Variants in MCTP2 observed in about 807,000 individuals in gnomAD.
The protein encoded by MCTP2 is multiple C2 and transmembrane domain containing 2.
MCTP2 carries 132 observed loss-of-function variants against 111.6 expected under a neutral mutation model. The ratio of observed to expected loss-of-function variants is 1.18; its 90% confidence interval spans 1.03 to 1.37. MCTP2 has a LOEUF of 1.37. MCTP2 is among the 40% of genes most tolerant of loss of function. The pLI is 0.00. For synonymous variants in MCTP2, 395 were observed against 387.7 expected (o/e 1.02, Z -0.22); for missense variants, 1,183 against 1,067.9 (o/e 1.11, Z -1.50).
chr15:94,345,482 C>T lies in MCTP2; in HGVS notation c.1005+318C>T, dbSNP rs1459535335. Among the ~76,000 whole-genome samples the T allele has an allele frequency of 2.0e-5, 3 of 152,056 alleles. No individual in the cohort carries two copies. In the East Asian group the frequency reaches 5.8e-4, roughly 29 times the overall value. ...TTTAGTCCCTTTAGGAAGTTATTTG[C>T]CATGAGATGGAAACTAGCATTGGTG... On this transcript the variant is annotated intron_variant, in intron 8 of 22. Transcript: ENST00000357742.
intron 1 of MCTP2, chr15:94,273,576 GA>G: frequency 4.9e-6 from 1 of 202,232 alleles, no homozygotes; most frequent in Non-Finnish European, 1.1e-5. Flanking sequence ...AGGTATGCAG[GA>G]AGGTCATGTC....
intron 10 of MCTP2, among the ~76,000 whole-genome samples, chr15:94,362,073 G>T (rs997909146): frequency 2.6e-5 from 4 of 152,160 alleles, no homozygotes; most frequent in Admixed American, 2.0e-4. Context: ...TTGGTGAGAT[G>T]AAGGTGCTTG....
chr15:94,423,610 C>G (rs188912274), intron 17 of MCTP2, among the ~76,000 whole-genome samples: 1 of 152,222 alleles, frequency 6.6e-6, no homozygotes, highest in East Asian at 1.9e-4. Context: ...GACATTTGTA[C>G]TTAAAACTGT....
At chr15:94,430,016 C>G (rs973538411) in intron 17 of MCTP2, among the ~76,000 whole-genome samples, 2 of 152,176 alleles carry the variant, frequency 1.3e-5, no homozygotes, top group African/African-American at 4.8e-5. Context: ...TCTAACTAGT[C>G]AAAACATGGT....
At chr15:94,429,151 G>A (rs1447902344) in intron 17 of MCTP2, among the ~76,000 whole-genome samples, 1 of 148,878 alleles carries the variant, frequency 6.7e-6, no homozygotes, top group Non-Finnish European at 1.5e-5. Flanking sequence ...GTCTATGCCT[G>A]TGTCATCTGC....
intron 1 of MCTP2, among the ~76,000 whole-genome samples, chr15:94,247,470 A>T (rs2152259389): frequency 6.6e-6 from 1 of 152,166 alleles, no homozygotes; most frequent in South Asian, 2.1e-4. Flanking sequence ...AGTGTCTGAG[A>T]TCACTTATGT....
chr15:94,311,783 C>T (rs28541849), intron 2 of MCTP2, among the ~76,000 whole-genome samples: 3,130 of 152,194 alleles, frequency 0.021, 108 homozygotes, highest in African/African-American at 0.068. Context: ...TGAATAAAAG[C>T]TCTGTTTTCA....
chr15:94,257,949 C>T (rs1162183333), intron 1 of MCTP2, among the ~76,000 whole-genome samples: 2 of 151,078 alleles, frequency 1.3e-5, no homozygotes, highest in Non-Finnish European at 2.9e-5. Context: ...GTGCGATCTT[C>T]TCAGGGCTCA....
intron 1 of MCTP2, among the ~76,000 whole-genome samples, chr15:94,291,448 C>T (rs2075025955): frequency 6.6e-6 from 1 of 151,910 alleles, no homozygotes; most frequent in South Asian, 2.1e-4. Context: ...GCTAAAAATA[C>T]AAAATTGCCG....
chr15:94,313,649 C>T (rs1474982240), intron 2 of MCTP2, among the ~76,000 whole-genome samples: 2 of 151,756 alleles, frequency 1.3e-5, no homozygotes, highest in Non-Finnish European at 1.5e-5. Flanking sequence ...TGCAGTGAGC[C>T]GAGATCATGC....
At chr15:94,437,236 G>A (rs1050815519) in intron 17 of MCTP2, among the ~76,000 whole-genome samples, 2 of 149,716 alleles carry the variant, frequency 1.3e-5, no homozygotes, top group Admixed American at 6.7e-5. Context: ...AAGGAAAATC[G>A]TCATGATTTG....
chr15:94,357,615 T>G (rs527494275), intron 9 of MCTP2, among the ~76,000 whole-genome samples: 38 of 152,176 alleles, frequency 2.5e-4, no homozygotes, highest in African/African-American at 8.9e-4. Flanking sequence ...ATATTAAGCC[T>G]GATGTGAAAA....
chr15:94,288,995 A>C (rs1024210165), intron 1 of MCTP2, among the ~76,000 whole-genome samples: 2 of 152,224 alleles, frequency 1.3e-5, no homozygotes, highest in Admixed American at 6.5e-5. Flanking sequence ...AAGAAGATTG[A>C]AAAATAATAG....
chr15:94,344,942 A>T (rs1201942554), intron 7 of MCTP2, among the ~76,000 whole-genome samples, 187 bp from the exon 8 acceptor site: 8 of 152,200 alleles, frequency 5.3e-5, no homozygotes, highest in Admixed American at 5.2e-4. Context: ...AACCACATAC[A>T]TGTGACTCTT....
chr15:94,302,163 G>T (rs529279165), intron 2 of MCTP2, among the ~76,000 whole-genome samples: 7 of 152,160 alleles, frequency 4.6e-5, no homozygotes, highest in Admixed American at 6.5e-5. Context: ...CTTCTGTTGT[G>T]TACCAGCGCT....
chr15:94,405,720 T>C (rs1242779651), intron 17 of MCTP2, among the ~76,000 whole-genome samples: 1 of 152,226 alleles, frequency 6.6e-6, no homozygotes, highest in Non-Finnish European at 1.5e-5. Context: ...GGTCAGACCA[T>C]TCCAAGTCAA....
chr15:94,247,685 T>C (rs1452371255), intron 1 of MCTP2, among the ~76,000 whole-genome samples: 2 of 152,172 alleles, frequency 1.3e-5, no homozygotes, highest in Non-Finnish European at 2.9e-5. Context: ...CATTACTAAT[T>C]TAATGCCTCT....
intron 1 of MCTP2, among the ~76,000 whole-genome samples, chr15:94,240,781 C>T (rs745672370): frequency 1.1e-4 from 16 of 152,098 alleles, no homozygotes; most frequent in Non-Finnish European, 1.6e-4. Flanking sequence ...ATTTGTGTAA[C>T]GAAGCTAGCA....
At chr15:94,277,482 T>C (rs957843728) in intron 1 of MCTP2, among the ~76,000 whole-genome samples, 3 of 152,134 alleles carry the variant, frequency 2.0e-5, no homozygotes, top group African/African-American at 7.2e-5. Flanking sequence ...TAGAATATTA[T>C]TCAGAGATAA....
Sources: gnomAD v4.1 joint callset for allele counts (sites outside exome capture counted in the v4.1 genomes callset) on GRCh38, gnomAD v4.1.1 for gene constraint, MANE v1.5 for transcripts, NCBI Gene and HGNC (gene_info 2026-07-23, HGNC 2026-07-21) for gene names.